Variants in DLGAP4 observed in about 807,000 individuals in gnomAD.
The protein encoded by DLGAP4 is DLG associated protein 4, also known as disks large-associated protein 4.
Under a neutral mutation model 86.9 loss-of-function variants are expected in DLGAP4, and 18 were observed. The ratio of observed to expected loss-of-function variants is 0.21; its 90% CI spans 0.14 to 0.31. The LOEUF (loss-of-function observed/expected upper bound fraction) is 0.31, where lower values mean the gene tolerates loss of function less well. Ranked by LOEUF, DLGAP4 falls within the 10% of genes least tolerant of loss-of-function variation. DLGAP4 has a pLI of 1.00. For missense variants in DLGAP4, 1,085 were observed against 1,362.6 expected (o/e 0.80, Z 3.21); for synonymous variants, 548 against 574.3 (o/e 0.95, Z 0.65).
At chr20:36,526,423 T>C (rs1455234108) in intron 12 of DLGAP4, among the ~76,000 whole-genome samples, 1 of 152,120 alleles carries the variant, frequency 6.6e-6, no homozygotes, top group Non-Finnish European at 1.5e-5. Context: ...CAGTGACCCC[T>C]GTTGAACCGT....
intron 10 of DLGAP4, among the ~76,000 whole-genome samples, chr20:36,503,479 CT>C (rs982287997): frequency 3.8e-3 from 419 of 109,870 alleles, no homozygotes; most frequent in African/African-American, 0.013. Flanking sequence ...CATATATGGC[CT>C]TTTTTTTTTT....
chr20:36,431,124 C>T lies in DLGAP4; in HGVS notation c.-72-522C>T, dbSNP rs1024828206. ...TGGGATTCCCTGCCCAAATGACCCA[C>T]GCCTGCCTCCAGGGCCAGCACAGGG... On this transcript the variant is annotated intron_variant, in intron 2 of 12. Coordinates refer to ENST00000339266, the MANE Select transcript of DLGAP4 (RefSeq NM_001365621.2). The surrounding 1 kb of genome is among the most constrained non-coding windows in gnomAD (Gnocchi z 5.1). Among the ~76,000 whole-genome samples, 20 of 124,784 alleles carry T rather than the reference C, an allele frequency of 1.6e-4. No homozygotes were observed. The highest frequency in any genetic ancestry group is 4.8e-4 in the African/African-American group (18 of 37,318). The allele number at this position is 124,784 out of a possible 152,430, so 81.9% of individuals were successfully genotyped here.
At chr20:36,415,939 G>A (rs973632809) in intron 2 of DLGAP4, among the ~76,000 whole-genome samples, 18 of 152,118 alleles carry the variant, frequency 1.2e-4, no homozygotes, top group African/African-American at 4.3e-4. Context: ...TGAGGATGGG[G>A]GAACCTGATT....
chr20:36,317,463 C>CTT (rs1207752409), intron 1 of DLGAP4, among the ~76,000 whole-genome samples: 28 of 120,084 alleles, frequency 2.3e-4, no homozygotes, highest in East Asian at 6.8e-4. Context: ...CCTTCTCTTT[C>CTT]TTTTTTTTTT....
intron 2 of DLGAP4, among the ~76,000 whole-genome samples, chr20:36,386,676 C>T (rs2031610090): frequency 6.6e-6 from 1 of 152,058 alleles, no homozygotes; most frequent in African/African-American, 2.4e-5. Flanking sequence ...CCTCGACCTC[C>T]CAGGCTCAAG....
chr20:36,375,375 G>A (rs1006625594), intron 2 of DLGAP4, among the ~76,000 whole-genome samples: 3 of 152,330 alleles, frequency 2.0e-5, no homozygotes, highest in East Asian at 3.9e-4. Flanking sequence ...TGACTTGCAC[G>A]AGCTGTGTTT....
intron 2 of DLGAP4, among the ~76,000 whole-genome samples, chr20:36,387,660 A>G (rs982813298): frequency 5.3e-5 from 8 of 152,184 alleles, no homozygotes; most frequent in Non-Finnish European, 8.8e-5. Context: ...AATCAAGTTT[A>G]GGTCTTTTAT....
At chr20:36,340,412 C>T (rs1385757717) in intron 1 of DLGAP4, among the ~76,000 whole-genome samples, 2 of 152,116 alleles carry the variant, frequency 1.3e-5, no homozygotes, top group African/African-American at 4.8e-5. Context: ...GAGACCCGTG[C>T]ACGGGTCTCC....
intron 1 of DLGAP4, among the ~76,000 whole-genome samples, chr20:36,332,363 T>C (rs1370525908): frequency 1.3e-5 from 2 of 151,800 alleles, no homozygotes; most frequent in Non-Finnish European, 2.9e-5. Context: ...GCCCGTTCCG[T>C]TTTTTGTTTT....
chr20:36,311,839 A>C lies in DLGAP4; in HGVS notation c.-304+5327A>C, dbSNP rs1027788015. 2.0e-5 allele frequency among the ~76,000 whole-genome samples: 3 copies of C among 152,154 alleles called. No individual in the cohort carries two copies. The East Asian group carries it at 5.8e-4, about 29-fold the overall frequency. On this transcript the variant is annotated intron_variant, in intron 1 of 12. Coordinates refer to ENST00000339266, the MANE Select transcript of DLGAP4 (RefSeq NM_001365621.2). ...AAGACAGAGGCCGGGCTTTGGACGTAAGTCAGTTAGAGTTTAGAGGCTGGT... is the reference window on the plus strand; with the variant it reads ...AAGACAGAGGCCGGGCTTTGGACGTCAGTCAGTTAGAGTTTAGAGGCTGGT...
chr20:36,333,156 C>T (rs1296327566), intron 1 of DLGAP4, among the ~76,000 whole-genome samples: 1 of 152,228 alleles, frequency 6.6e-6, no homozygotes, highest in East Asian at 1.9e-4. Context: ...CTTGGCCTTG[C>T]AGTGGATTCC....
At chr20:36,349,104 CAAAAAAAAAAAAAAAAAAAAAAAA>C (rs539585564) in intron 1 of DLGAP4, among the ~76,000 whole-genome samples, 1 of 39,894 alleles carries the variant, frequency 2.5e-5, no homozygotes, top group East Asian at 1.9e-3. Context: ...GACTCCATCT[CAAAAAAAAAAAAAAAAAAAAAAAA>C]AAAAAAAAAG....
chr20:36,497,327 C>T, intron 8 of DLGAP4: 17 of 1,341,780 alleles, frequency 1.3e-5, no homozygotes, highest in Non-Finnish European at 1.6e-5. Flanking sequence ...TGTAGTTACA[C>T]TCAGCCAGCC....
chr20:36,443,441 ACT>A (rs1036786403), intron 6 of DLGAP4, among the ~76,000 whole-genome samples: 4 of 152,090 alleles, frequency 2.6e-5, no homozygotes, highest in African/African-American at 9.7e-5. Context: ...TGGGTAAGGG[ACT>A]TGTGCAAGGT....
At chr20:36,439,555 G>A (rs2033385297) in intron 4 of DLGAP4, among the ~76,000 whole-genome samples, 199 bp from the exon 5 acceptor site, 1 of 152,220 alleles carries the variant, frequency 6.6e-6, no homozygotes, top group Non-Finnish European at 1.5e-5. Flanking sequence ...GACTTTCAAG[G>A]AGGAAGGAAA....
chr20:36,521,650 C>G (rs1222219908), intron 10 of DLGAP4, among the ~76,000 whole-genome samples: 1 of 152,230 alleles, frequency 6.6e-6, no homozygotes, highest in African/African-American at 2.4e-5. Flanking sequence ...AAGTCCTCAG[C>G]AGGGTTGAAT....
intron 2 of DLGAP4, among the ~76,000 whole-genome samples, chr20:36,395,085 G>A (rs946543046): frequency 6.6e-5 from 10 of 151,938 alleles, no homozygotes; most frequent in African/African-American, 2.4e-4. Context: ...ACACACACCA[G>A]CTGCACCTCC....
chr20:36,340,773 G>T (rs1409799274), intron 1 of DLGAP4, among the ~76,000 whole-genome samples: 4 of 152,214 alleles, frequency 2.6e-5, no homozygotes, highest in African/African-American at 7.2e-5. Context: ...GTTCAGCCTG[G>T]TCCCTCGGGG....
rs1458339974 is a variant in DLGAP4, at chr20:36,367,133, C to G, written c.-215C>G. On this transcript the variant is annotated 5_prime_UTR_variant, in exon 2 of 13. Transcript: ENST00000339266. ...CCCGGGCGGTGGCAGAGCCCCTGTC[C>G]CAAGCTGCTTCCTGCCGGCACCTCT... 1.3e-5 allele frequency: 2 copies of G among 152,402 alleles called. No individual in the cohort carries two copies. Among genetic ancestry groups the G allele is most frequent in the African/African-American group, 4.8e-5 (2 of 41,402 alleles). The allele number at this position is 152,402 out of a possible 1,614,324, so 9.4% of individuals were successfully genotyped here.
Sources: allele counts gnomAD v4.1 joint callset (sites outside exome capture counted in the v4.1 genomes callset), GRCh38; gene constraint gnomAD v4.1.1; non-coding constraint Gnocchi (gnomAD v3.1); transcripts MANE v1.5; gene names NCBI Gene and HGNC (gene_info 2026-07-23, HGNC 2026-07-21).